The following NAALADL2 variants were observed in gnomAD, a reference collection of about 807,000 sequenced individuals.
The protein encoded by NAALADL2 is N-acetylated alpha-linked acidic dipeptidase like 2.
Under a neutral mutation model 87.2 loss-of-function variants are expected in NAALADL2, and 76 were observed. That is an observed-to-expected ratio of 0.87 (90% CI 0.72 to 1.05). The LOEUF is 1.05. Among genes scored for constraint, NAALADL2 ranks in the 50% least tolerant of loss-of-function variants. The pLI, the probability that NAALADL2 is intolerant of heterozygous loss-of-function variation, is 0.00. For synonymous variants in NAALADL2, 354 were observed against 331.0 expected, an observed-to-expected ratio of 1.07 and a Z score of -0.75; for missense variants, 1,089 against 945.8, an observed-to-expected ratio of 1.15 and a Z score of -1.99.
chr3:175,636,716 A>G lies in NAALADL2; in HGVS notation c.1896+9330A>G, dbSNP rs544840982. On this transcript the variant is annotated intron_variant, in intron 11 of 13. Transcript: ENST00000454872. ...CCATCTAAAAAAAAAAAAAAAAAAGAAAAAAAAAGAAAAAAGCTTCTAGGA... is the reference window on the plus strand; with the variant it reads ...CCATCTAAAAAAAAAAAAAAAAAAGGAAAAAAAAGAAAAAAGCTTCTAGGA... 4.9e-3 allele frequency among the ~76,000 whole-genome samples: 728 copies of G among 149,772 alleles called. 4 individuals are homozygous for G. Among genetic ancestry groups the G allele is most frequent in the Middle Eastern group, 0.014 (4 of 292 alleles).
chr3:175,737,292 C>A lies in NAALADL2; in HGVS notation c.1897-14C>A. The A allele has an allele frequency of 6.5e-7, 1 of 1,546,778 alleles. No homozygotes were observed. The highest frequency in any genetic ancestry group is 8.9e-7 in the Non-Finnish European group (1 of 1,121,670). ...ACTGAATGCTAGTATTTTCTTTTTC[C>A]TTTTTTCTTTCAGCTCTCAGGAGAA... On this transcript the variant is annotated splice_polypyrimidine_tract_variant and intron_variant, in intron 11 of 13. Coordinates refer to ENST00000454872, the MANE Select transcript of NAALADL2 (RefSeq NM_207015.3).
At chr3:174,938,067 G>C (rs1367557430) in intron 1 of NAALADL2, among the ~76,000 whole-genome samples, 1 of 151,916 alleles carries the variant, frequency 6.6e-6, no homozygotes, top group Middle Eastern at 3.2e-3. Context: ...GTGAAGGTTT[G>C]TTATACAGGT....
intron 7 of NAALADL2, among the ~76,000 whole-genome samples, chr3:175,464,489 A>G (rs1027859271): frequency 2.6e-5 from 4 of 152,134 alleles, no homozygotes; most frequent in African/African-American, 9.7e-5. Context: ...TAATAGCAAT[A>G]CTTCCAAACA....
intron 1 of NAALADL2, among the ~76,000 whole-genome samples, chr3:174,903,993 C>G (rs1223193530): frequency 1.3e-5 from 2 of 151,216 alleles, no homozygotes; most frequent in Non-Finnish European, 3.0e-5. Flanking sequence ...ATTTCTATAT[C>G]TATATCTATA....
At chr3:175,678,253 A>C (rs1403400562) in intron 11 of NAALADL2, among the ~76,000 whole-genome samples, 1 of 152,152 alleles carries the variant, frequency 6.6e-6, no homozygotes, top group Non-Finnish European at 1.5e-5. Context: ...ACAACATAAA[A>C]ATGAGTTCAA....
intron 3 of NAALADL2, among the ~76,000 whole-genome samples, chr3:175,243,698 TGA>T (rs958221928): frequency 3.3e-5 from 5 of 152,076 alleles, no homozygotes; most frequent in African/African-American, 1.2e-4. Context: ...TGTTAGAAAG[TGA>T]GAGTGTGCTC....
intron 6 of NAALADL2, among the ~76,000 whole-genome samples, chr3:175,459,156 C>G (rs1722750126): frequency 6.6e-6 from 1 of 151,890 alleles, no homozygotes; most frequent in Non-Finnish European, 1.5e-5. Context: ...CCGAAGTTAC[C>G]ATATTGGAAC....
At chr3:175,445,636 C>A (rs1720566252) in intron 5 of NAALADL2, among the ~76,000 whole-genome samples, 1 of 152,054 alleles carries the variant, frequency 6.6e-6, no homozygotes, top group African/African-American at 2.4e-5. Context: ...TAAAAAGGAT[C>A]ATTTTTGTGT....
At chr3:174,919,114 T>C (rs1246013661) in intron 1 of NAALADL2, among the ~76,000 whole-genome samples, 3 of 152,130 alleles carry the variant, frequency 2.0e-5, no homozygotes, top group Admixed American at 1.3e-4. Context: ...CTTCAGCAAG[T>C]TGTAATATTT....
chr3:175,188,794 C>T lies in NAALADL2; in HGVS notation c.546-45137C>T, dbSNP rs193004310. ...AACTCTTGCTGCGTCCTCCCAAAGT[C>T]GCCATTGTGTGGTACCCCAATCCCC... On this transcript the variant is annotated intron_variant, in intron 2 of 13. Coordinates refer to ENST00000454872, the MANE Select transcript of NAALADL2 (RefSeq NM_207015.3). Among the ~76,000 whole-genome samples the T allele has an allele frequency of 5.3e-5, 8 of 152,228 alleles. No homozygotes were observed. In the East Asian group the frequency reaches 7.7e-4, roughly 15 times the overall value.
At chr3:175,251,623 C>T (rs999173663) in intron 3 of NAALADL2, among the ~76,000 whole-genome samples, 3 of 152,080 alleles carry the variant, frequency 2.0e-5, no homozygotes, top group Admixed American at 6.6e-5. Flanking sequence ...AGAATAAATG[C>T]GGAAAGAAGA....
At chr3:175,699,036 C>CGAGT (rs1738603336) in intron 11 of NAALADL2, among the ~76,000 whole-genome samples, 1 of 151,856 alleles carries the variant, frequency 6.6e-6, no homozygotes, top group South Asian at 2.1e-4. Flanking sequence ...CAGATGCACT[C>CGAGT]CAAAGTTTGG....
intron 11 of NAALADL2, among the ~76,000 whole-genome samples, chr3:175,667,223 GAAAGAAAGAAAGAA>G (rs1182798889): frequency 7.9e-6 from 1 of 127,028 alleles, no homozygotes; most frequent in Non-Finnish European, 1.5e-5. Context: ...AAGAAAGAAA[GAAAGAAAGAAAGAA>G]AGAAAAAGAA....
rs57460373 is a variant in NAALADL2 at position 174,492,205 on chromosome 3, G to T, written c.-184+51173G>T. 1.7e-3 allele frequency among the ~76,000 whole-genome samples: 252 copies of T among 151,908 alleles called. 8 individuals carry two copies. The East Asian group carries it at 0.046, about 27-fold the overall frequency. On this transcript the variant is annotated intron_variant, in intron 1 of 3. Coordinates refer to the NAALADL2 transcript ENST00000434257. ...GAATTGCTGGAACCCAGTTGATGGA[G>T]GTTGCGGTGAGCCAAGATCGCATCA...
rs114283417 is a variant in NAALADL2, at chr3:174,532,386, C to A, written c.-183-18183C>A. Among the ~76,000 whole-genome samples the A allele has an allele frequency of 5.8e-3, 882 of 152,222 alleles. 11 individuals carry two copies. Among genetic ancestry groups the A allele is most frequent in the African/African-American group, 0.02 (836 of 41,542 alleles). On this transcript the variant is annotated intron_variant, in intron 1 of 3. Transcript: ENST00000434257. ...ATTTCTAGCTCTGCCAAGTTCTTAT[C>A]ACTATTGAGAGGTCAGTCTTATAAA...
intron 1 of NAALADL2, among the ~76,000 whole-genome samples, chr3:174,887,840 G>A (rs1340307411): frequency 1.3e-5 from 2 of 149,180 alleles, no homozygotes; most frequent in East Asian, 3.9e-4. Flanking sequence ...TTTTTTACAT[G>A]TGGATATAGT....
chr3:175,281,500 A>AT (rs1744910984), intron 4 of NAALADL2, among the ~76,000 whole-genome samples: 1 of 151,928 alleles, frequency 6.6e-6, no homozygotes, highest in Non-Finnish European at 1.5e-5. Flanking sequence ...TAAACCTCAC[A>AT]TTTTAAAAAA....
intron 4 of NAALADL2, among the ~76,000 whole-genome samples, chr3:175,280,079 C>CCT (rs1754097892): frequency 6.6e-6 from 1 of 151,636 alleles, no homozygotes; most frequent in African/African-American, 2.4e-5. Flanking sequence ...TAGAGAAGAT[C>CCT]CTGGGAAACA....
intron 2 of NAALADL2, among the ~76,000 whole-genome samples, chr3:174,704,337 T>A (rs1444950283): frequency 6.6e-6 from 1 of 152,212 alleles, no homozygotes; most frequent in Non-Finnish European, 1.5e-5. Context: ...CTATGGTATA[T>A]CAGTATGACA....
Sources: allele counts gnomAD v4.1 joint callset (sites outside exome capture counted in the v4.1 genomes callset), GRCh38; gene constraint gnomAD v4.1.1; transcripts MANE v1.5; gene names NCBI Gene and HGNC (gene_info 2026-07-23, HGNC 2026-07-21).